Variants in MPZL1 observed in about 807,000 individuals in gnomAD.
MPZL1 encodes myelin protein zero-like protein 1.
In MPZL1, 16 loss-of-function variants were observed where a neutral mutation model predicts 29.3. The observed-to-expected ratio is 0.55, with a 90% confidence interval of 0.37 to 0.83. MPZL1 has a LOEUF of 0.83. Among genes scored for constraint, MPZL1 ranks in the 40% least tolerant of loss-of-function variants. The pLI is 0.00. For synonymous variants in MPZL1, 143 were observed against 132.0 expected (o/e 1.08, Z -0.57); for missense variants, 279 against 332.9 (o/e 0.84, Z 1.26).
At chr1:167,740,501 G>A (rs891288492) in intron 1 of MPZL1, among the ~76,000 whole-genome samples, 2 of 151,986 alleles carry the variant, frequency 1.3e-5, no homozygotes, top group African/African-American at 2.4e-5. Context: ...ACATTCTCTG[G>A]TTTTCTTCCC....
intron 1 of MPZL1, among the ~76,000 whole-genome samples, chr1:167,727,767 G>A (rs1660180080): frequency 6.6e-6 from 1 of 152,032 alleles, no homozygotes; most frequent in South Asian, 2.1e-4. Flanking sequence ...AGTTGGCTCC[G>A]TTCACCATAG....
At chr1:167,736,192 G>T (rs1660373633) in intron 1 of MPZL1, among the ~76,000 whole-genome samples, 1 of 152,018 alleles carries the variant, frequency 6.6e-6, no homozygotes, top group African/African-American at 2.4e-5. Flanking sequence ...CTCTGCCTGT[G>T]GCCCCAATGT....
At chr1:167,749,007 G>T (rs1401400093) in intron 1 of MPZL1, among the ~76,000 whole-genome samples, 1 of 152,142 alleles carries the variant, frequency 6.6e-6, no homozygotes, top group Non-Finnish European at 1.5e-5. Context: ...TGGCTTGAAA[G>T]TTGTTTCATA....
intron 2 of MPZL1, among the ~76,000 whole-genome samples, chr1:167,767,999 T>G (rs1409803032): frequency 6.6e-6 from 1 of 152,100 alleles, no homozygotes; most frequent in Non-Finnish European, 1.5e-5. Flanking sequence ...GTCTAGCTTT[T>G]TGTCAGCCTT....
At chr1:167,779,783 C>T (rs1444467174) in intron 5 of MPZL1, among the ~76,000 whole-genome samples, 1 of 152,040 alleles carries the variant, frequency 6.6e-6, no homozygotes, top group Non-Finnish European at 1.5e-5. Context: ...ATATATGCTG[C>T]AAATTCTAGA....
chr1:167,768,609 A>C (rs1661170399), intron 2 of MPZL1, among the ~76,000 whole-genome samples: 1 of 152,004 alleles, frequency 6.6e-6, no homozygotes, highest in Non-Finnish European at 1.5e-5. Flanking sequence ...TTTTCTGTGA[A>C]TTTTTCACTG....
chr1:167,754,557 C>A (rs1183864115), intron 1 of MPZL1, among the ~76,000 whole-genome samples: 2 of 152,178 alleles, frequency 1.3e-5, no homozygotes. Context: ...CTGAGTAGAG[C>A]ACTGCCCTGG....
intron 1 of MPZL1, among the ~76,000 whole-genome samples, chr1:167,740,832 TC>T (rs776510501): frequency 7.9e-5 from 12 of 152,318 alleles, no homozygotes; most frequent in Non-Finnish European, 1.6e-4. Context: ...ATTCCTTCTC[TC>T]CAGTTAAATC....
chr1:167,741,201 T>C (rs1288702579), intron 1 of MPZL1, among the ~76,000 whole-genome samples: 3 of 143,182 alleles, frequency 2.1e-5, no homozygotes, highest in Non-Finnish European at 4.6e-5. Flanking sequence ...TTTTTTTTTT[T>C]TTAGAGATGG....
chr1:167,724,442 G>A (rs2101742098), intron 1 of MPZL1, among the ~76,000 whole-genome samples: 1 of 152,336 alleles, frequency 6.6e-6, no homozygotes, highest in East Asian at 1.9e-4. Context: ...GAGGACTATT[G>A]TAATAATCCC....
chr1:167,786,231 C>T (rs1168359096), intron 5 of MPZL1, among the ~76,000 whole-genome samples: 4 of 152,142 alleles, frequency 2.6e-5, no homozygotes, highest in Admixed American at 2.6e-4. Flanking sequence ...CCATTATAGA[C>T]TAAAGATAAA....
intron 2 of MPZL1, among the ~76,000 whole-genome samples, chr1:167,768,630 A>G (rs1661171005): frequency 2.0e-5 from 3 of 152,090 alleles, no homozygotes; most frequent in Non-Finnish European, 2.9e-5. Flanking sequence ...TTTTATTTCC[A>G]TCTCTCACTG....
At chr1:167,753,029 A>G (rs150688176) in intron 1 of MPZL1, among the ~76,000 whole-genome samples, 2 of 152,206 alleles carry the variant, frequency 1.3e-5, no homozygotes, top group East Asian at 3.9e-4. Context: ...TGCAAGGGAG[A>G]TTGTGCTTTT....
chr1:167,773,469 C>G (rs1039077283), intron 4 of MPZL1, 101 bp downstream of exon 4: 1 of 1,346,304 alleles, frequency 7.4e-7, no homozygotes. Context: ...GAATTAACTA[C>G]TATTTTCTTT....
intron 1 of MPZL1, among the ~76,000 whole-genome samples, chr1:167,736,856 T>C (rs1039623697): frequency 6.6e-6 from 1 of 152,214 alleles, no homozygotes; most frequent in African/African-American, 2.4e-5. Flanking sequence ...ACCACTCTTC[T>C]GTTAAGATCC....
chr1:167,734,956 C>A (rs1186113303), intron 1 of MPZL1, among the ~76,000 whole-genome samples: 1 of 152,242 alleles, frequency 6.6e-6, no homozygotes, highest in African/African-American at 2.4e-5. Context: ...GTAGCAGACA[C>A]CCTGCAGACG....
intron 5 of MPZL1, among the ~76,000 whole-genome samples, chr1:167,785,983 C>T (rs1423399647): frequency 6.6e-6 from 1 of 152,036 alleles, no homozygotes; most frequent in Non-Finnish European, 1.5e-5. Flanking sequence ...TTAGTAGAGA[C>T]GGGGTTTCAC....
chr1:167,744,925 TC>T (rs1558113161), intron 1 of MPZL1, among the ~76,000 whole-genome samples: 1 of 152,108 alleles, frequency 6.6e-6, no homozygotes, highest in South Asian at 2.1e-4. Flanking sequence ...CCACTACTTC[TC>T]CCCCCACTGC....
At chr1:167,786,851 T>C (rs2101802155) in intron 5 of MPZL1, among the ~76,000 whole-genome samples, 1 of 152,348 alleles carries the variant, frequency 6.6e-6, no homozygotes, top group South Asian at 2.1e-4. Flanking sequence ...GGGAGAAAAG[T>C]TGACATTGGG....
Sources: allele counts gnomAD v4.1 joint callset (sites outside exome capture counted in the v4.1 genomes callset), GRCh38; gene constraint gnomAD v4.1.1; transcripts MANE v1.5; gene names NCBI Gene and HGNC (gene_info 2026-07-23, HGNC 2026-07-21).